Variants in DLC1 observed in about 807,000 individuals in gnomAD.
The protein encoded by DLC1 is rho GTPase-activating protein 7.
DLC1 carries 54 observed loss-of-function variants against 140.3 expected under a neutral mutation model. That is an observed-to-expected ratio of 0.38 (90% CI 0.31 to 0.48). The LOEUF (loss-of-function observed/expected upper bound fraction) is 0.48. Ranked by LOEUF, DLC1 falls within the 20% of genes least tolerant of loss-of-function variation. DLC1 has a pLI of 0.96. For synonymous variants in DLC1, 986 were observed against 728.1 expected (o/e 1.35, Z -5.70); for missense variants, 2,536 against 1,907.0 (o/e 1.33, Z -6.14).
At position 13,235,494 on chromosome 8, in the gene DLC1, T is replaced by C. The variant is rs183177277; in HGVS notation, c.1348+69775A>G. On this transcript the variant is annotated intron_variant, in intron 5 of 17. Coordinates refer to ENST00000276297, the MANE Select transcript of DLC1 (RefSeq NM_182643.3). ...CAGAATGACAACTTTCTTCAATGTG[T>C]GATATTCTAAACCTCCTTCTAAAAG... Among the ~76,000 whole-genome samples, 199 of 152,184 alleles carry C rather than the reference T, an allele frequency of 1.3e-3. No homozygotes were observed. In the Middle Eastern group the frequency reaches 0.024, roughly 18 times the overall value.
In DLC1 at chr8:13,232,063, T is replaced by C. The variant is rs182906910; in HGVS notation, c.1348+73206A>G. Among the ~76,000 whole-genome samples, 7 of 152,294 alleles carry C rather than the reference T, an allele frequency of 4.6e-5. 1 individual carries two copies. The highest frequency in any genetic ancestry group is 4.6e-4 in the Admixed American group (7 of 15,304). ...CTTCTCAGTTCTTTGGTCAGTGTGG[T>C]CGCAGTTGTGCTCTGAAATAAGGAG... On this transcript the variant is annotated intron_variant, in intron 5 of 17. Coordinates refer to ENST00000276297, the MANE Select transcript of DLC1 (RefSeq NM_182643.3).
chr8:13,276,361 G>A (rs562218049), intron 5 of DLC1: 3 of 1,522,136 alleles, frequency 2.0e-6, no homozygotes, highest in Non-Finnish European at 2.6e-6. Flanking sequence ...AGAGGGGCTC[G>A]CAGGGGGCGC....
At chr8:13,582,086 A>G (rs964177942) in intron 1 of DLC1, among the ~76,000 whole-genome samples, 6 of 152,142 alleles carry the variant, frequency 3.9e-5, no homozygotes, top group African/African-American at 1.4e-4. Flanking sequence ...CTAGAGAATA[A>G]TAAATTCATC....
chr8:13,112,084 G>C (rs936203669), intron 6 of DLC1, among the ~76,000 whole-genome samples: 7 of 152,160 alleles, frequency 4.6e-5, no homozygotes, highest in Non-Finnish European at 8.8e-5. Context: ...CCCAGAGTTT[G>C]AGGCTGCAGT....
intron 2 of DLC1, among the ~76,000 whole-genome samples, chr8:13,468,353 C>T (rs1206111058): frequency 2.4e-5 from 3 of 123,598 alleles, no homozygotes; most frequent in African/African-American, 8.9e-5. Context: ...CCTCCCCTCC[C>T]CTCCCCTCCC....
At chr8:13,143,710 C>T (rs757596965) in intron 5 of DLC1, among the ~76,000 whole-genome samples, 4 of 151,742 alleles carry the variant, frequency 2.6e-5, no homozygotes, top group Admixed American at 6.6e-5. Flanking sequence ...CCACACCCAG[C>T]ATCAGTGACT....
intron 5 of DLC1, among the ~76,000 whole-genome samples, chr8:13,290,829 A>G (rs113992063): frequency 1.9e-4 from 29 of 152,358 alleles, no homozygotes; most frequent in African/African-American, 6.7e-4. Flanking sequence ...GAATGTGAGC[A>G]TTCCTGTGAT....
intron 4 of DLC1, among the ~76,000 whole-genome samples, chr8:13,361,993 A>G (rs538188729): frequency 1.5e-4 from 23 of 152,344 alleles, no homozygotes; most frequent in African/African-American, 5.5e-4. Context: ...AACCAAAGAA[A>G]TAAATTCAAA....
chr8:13,188,793 GT>G (rs1826539544), intron 5 of DLC1, among the ~76,000 whole-genome samples: 1 of 83,242 alleles, frequency 1.2e-5, no homozygotes, highest in Admixed American at 1.1e-4. Context: ...GTGTGTGTGT[GT>G]GTGTGTGTAT....
chr8:13,440,030 G>T (rs912679117), intron 2 of DLC1, among the ~76,000 whole-genome samples: 1 of 152,224 alleles, frequency 6.6e-6, no homozygotes, highest in East Asian at 1.9e-4. Context: ...TCTGTGAGAC[G>T]GTAATAGGTA....
intron 1 of DLC1, among the ~76,000 whole-genome samples, chr8:13,585,150 C>CA (rs1362385699): frequency 6.6e-6 from 1 of 152,088 alleles, no homozygotes; most frequent in Non-Finnish European, 1.5e-5. Context: ...ACAATGTGGT[C>CA]AATATAGTAG....
chr8:13,240,583 G>A (rs554463987), intron 5 of DLC1, among the ~76,000 whole-genome samples: 2 of 151,856 alleles, frequency 1.3e-5, no homozygotes, highest in East Asian at 1.9e-4. Flanking sequence ...ATGCCACCAC[G>A]CCCCTCTAAT....
intron 2 of DLC1, among the ~76,000 whole-genome samples, chr8:13,450,324 G>A (rs1025603561): frequency 2.0e-5 from 3 of 151,088 alleles, no homozygotes; most frequent in African/African-American, 4.9e-5. Flanking sequence ...GCATGGTGGC[G>A]GGTGACTGTA....
intron 1 of DLC1, among the ~76,000 whole-genome samples, chr8:13,589,014 T>C (rs1055290219): frequency 5.3e-5 from 8 of 152,106 alleles, no homozygotes; most frequent in Non-Finnish European, 7.4e-5. Context: ...TTCTGGACCA[T>C]ATCCATTCAA....
intron 4 of DLC1, among the ~76,000 whole-genome samples, chr8:13,369,734 G>T (rs186693162): frequency 6.6e-6 from 1 of 151,882 alleles, no homozygotes; most frequent in African/African-American, 2.4e-5. Context: ...TGGCCTGGAG[G>T]GTTACACTTG....
At chr8:13,552,924 C>T (rs1300970643) in intron 1 of DLC1, among the ~76,000 whole-genome samples, 6 of 151,388 alleles carry the variant, frequency 4.0e-5, no homozygotes, top group Admixed American at 2.0e-4. Context: ...TTATTTGGTA[C>T]ATTAGAAGAA....
chr8:13,453,043 T>C (rs1704080086), intron 2 of DLC1, among the ~76,000 whole-genome samples: 1 of 151,944 alleles, frequency 6.6e-6, no homozygotes, highest in African/African-American at 2.4e-5. Context: ...CAAAACCCTA[T>C]CAGGCAATTT....
At chr8:13,167,498 A>G (rs1177512794) in intron 5 of DLC1, among the ~76,000 whole-genome samples, 1 of 151,848 alleles carries the variant, frequency 6.6e-6, no homozygotes, top group African/African-American at 2.4e-5. Flanking sequence ...CAGTGGGGAA[A>G]CCTCGGTATT....
intron 5 of DLC1, among the ~76,000 whole-genome samples, chr8:13,254,650 T>C (rs761912496): frequency 1.4e-5 from 2 of 139,172 alleles, no homozygotes; most frequent in Non-Finnish European, 3.1e-5. Context: ...TTGTCAGATA[T>C]TATTGGAAAC....
Sources: gnomAD v4.1 joint callset for allele counts (sites outside exome capture counted in the v4.1 genomes callset) on GRCh38, gnomAD v4.1.1 for gene constraint, MANE v1.5 for transcripts, NCBI Gene and HGNC (gene_info 2026-07-23, HGNC 2026-07-21) for gene names.